Variants in PCDH15 observed in about 807,000 individuals in gnomAD.
The protein encoded by PCDH15 is protocadherin-15.
A neutral mutation model predicts 178.5 loss-of-function variants in PCDH15; 129 were observed. The ratio of observed to expected loss-of-function variants is 0.72; its 90% CI spans 0.63 to 0.84. The LOEUF is 0.84. PCDH15 is among the 40% of genes least tolerant of loss of function. The pLI is 0.00. For missense variants in PCDH15, 2,230 were observed against 2,099.9 expected (o/e 1.06, Z -1.21); for synonymous variants, 800 against 732.0 (o/e 1.09, Z -1.50).
At chr10:54,527,711 G>T in intron 3 of PCDH15, 101 bp downstream of exon 3, 1 of 931,944 alleles carries the variant, frequency 1.1e-6, no homozygotes, top group South Asian at 2.1e-5. Flanking sequence ...GATTTGGGTT[G>T]AAACTTTCAT....
chr10:54,784,085 C>T (rs1950616049), intron 1 of PCDH15, among the ~76,000 whole-genome samples: 1 of 151,968 alleles, frequency 6.6e-6, no homozygotes, highest in African/African-American at 2.4e-5. Flanking sequence ...AACTCACTCA[C>T]TATCATGAGA....
chr10:54,519,169 T>C, intron 3 of PCDH15, among the ~76,000 whole-genome samples: 1 of 152,126 alleles, frequency 6.6e-6, no homozygotes, highest in East Asian at 1.9e-4. Flanking sequence ...GGATGCCCTC[T>C]CTCACCACTC....
intron 3 of PCDH15, among the ~76,000 whole-genome samples, chr10:54,390,593 C>T (rs965543610): frequency 2.6e-4 from 39 of 152,162 alleles, no homozygotes; most frequent in African/African-American, 7.7e-4. Context: ...CCGTGCCCAG[C>T]CAACCTATAC....
At chr10:54,696,603 A>G (rs2095228838) in intron 1 of PCDH15, among the ~76,000 whole-genome samples, 1 of 152,106 alleles carries the variant, frequency 6.6e-6, no homozygotes, top group African/African-American at 2.4e-5. Context: ...TCATGAAAGA[A>G]GAAAAGTAGC....
At chr10:55,380,906 A>G (rs1056405305) in intron 2 of PCDH15, among the ~76,000 whole-genome samples, 2 of 152,170 alleles carry the variant, frequency 1.3e-5, no homozygotes, top group Admixed American at 1.3e-4. Context: ...AGAGACACAG[A>G]TATTTAGAAG....
chr10:53,964,883 A>T (rs1366217943), intron 21 of PCDH15, among the ~76,000 whole-genome samples: 1 of 152,116 alleles, frequency 6.6e-6, no homozygotes, highest in Non-Finnish European at 1.5e-5. Context: ...AAGACATCGT[A>T]GGACTTGGGG....
intron 3 of PCDH15, among the ~76,000 whole-genome samples, chr10:54,390,888 T>A (rs569474005): frequency 2.0e-5 from 3 of 152,192 alleles, no homozygotes; most frequent in Non-Finnish European, 4.4e-5. Context: ...ATCTCATGTC[T>A]CAATGTCCCT....
intron 1 of PCDH15, among the ~76,000 whole-genome samples, chr10:54,746,058 G>A (rs1056483867): frequency 6.6e-5 from 10 of 152,116 alleles, no homozygotes; most frequent in African/African-American, 2.4e-4. Context: ...CTATTAATTT[G>A]TTAGGTGATT....
chr10:55,378,192 G>T (rs936266504), intron 2 of PCDH15, among the ~76,000 whole-genome samples: 1 of 152,040 alleles, frequency 6.6e-6, no homozygotes, highest in African/African-American at 2.4e-5. Flanking sequence ...CTGTATCCCA[G>T]AACTTAAAGT....
At chr10:55,272,012 C>A (rs1411002426) in intron 1 of PCDH15, among the ~76,000 whole-genome samples, 5 of 152,162 alleles carry the variant, frequency 3.3e-5, no homozygotes, top group Middle Eastern at 3.4e-3. Flanking sequence ...GCAGTAATAA[C>A]ACCTGCTGCC....
intron 2 of PCDH15, among the ~76,000 whole-genome samples, chr10:54,551,816 T>C (rs1375839983): frequency 2.0e-5 from 3 of 152,030 alleles, no homozygotes; most frequent in Non-Finnish European, 2.9e-5. Flanking sequence ...AATAATATAG[T>C]ATAAATTTAT....
intron 2 of PCDH15, among the ~76,000 whole-genome samples, chr10:54,901,307 T>C (rs1156565969): frequency 6.6e-6 from 1 of 152,036 alleles, no homozygotes; most frequent in Non-Finnish European, 1.5e-5. Context: ...TAAAATAAAA[T>C]AGGACAAAGC....
intron 1 of PCDH15, among the ~76,000 whole-genome samples, chr10:54,782,796 T>C (rs895901144): frequency 5.9e-5 from 9 of 151,958 alleles, no homozygotes; most frequent in Non-Finnish European, 1.3e-4. Context: ...TATCTTTCTC[T>C]CCAGCAAGGC....
chr10:55,323,948 C>A (rs1358934863), upstream of PCDH15, among the ~76,000 whole-genome samples: 3 of 151,990 alleles, frequency 2.0e-5, no homozygotes, highest in Non-Finnish European at 2.9e-5. Flanking sequence ...AAGGATGGGG[C>A]CAGGTGGGGA....
At chr10:54,449,423 AG>A (rs2076332236) in intron 3 of PCDH15, among the ~76,000 whole-genome samples, 1 of 151,744 alleles carries the variant, frequency 6.6e-6, no homozygotes, top group Admixed American at 6.6e-5. Context: ...TGCCACACAC[AG>A]TTTTCTTGCT....
intron 8 of PCDH15, among the ~76,000 whole-genome samples, chr10:54,239,859 A>C (rs113894971): frequency 0.025 from 3,856 of 152,218 alleles, 65 homozygotes; most frequent in South Asian, 0.079. Context: ...AGGTGAAAAG[A>C]ATGATTTCTT....
Position 53,823,453 on chromosome 10 carries a change from A to C in PCDH15, c.4368-3223T>G, listed in dbSNP as rs536553896. 121 of 1,158,882 alleles carry C rather than the reference A, an allele frequency of 1.0e-4. 1 individual carries two copies. The South Asian group carries it at 1.5e-3, about 14-fold the overall frequency. 71.8% of individuals were successfully genotyped at this position (1,158,882 alleles called of 1,614,324 possible). On this transcript the variant is annotated intron_variant, in intron 32 of 37. Transcript: ENST00000644397. ...TTTATGGCTCTCATTACTATTAAAT[A>C]CTTAAAAACATCAAAGGCCAAACAA...
intron 2 of PCDH15, among the ~76,000 whole-genome samples, chr10:55,537,866 A>G (rs1331419531): frequency 6.6e-6 from 1 of 152,228 alleles, no homozygotes; most frequent in Non-Finnish European, 1.5e-5. Context: ...ACAGATGTGA[A>G]GATATCACAT....
chr10:54,734,372 T>A (rs942933270), intron 1 of PCDH15, among the ~76,000 whole-genome samples: 2 of 151,830 alleles, frequency 1.3e-5, no homozygotes, highest in African/African-American at 4.8e-5. Flanking sequence ...TTTTAAAGGC[T>A]AAGATTACAA....
Sources: allele counts gnomAD v4.1 joint callset (sites outside exome capture counted in the v4.1 genomes callset), GRCh38; gene constraint gnomAD v4.1.1; transcripts MANE v1.5; gene names NCBI Gene and HGNC (gene_info 2026-07-23, HGNC 2026-07-21).